CEP85L: variants seen among roughly 807,000 people sequenced by gnomAD.
CEP85L encodes the protein centrosomal protein 85L, also known as centrosomal protein of 85 kDa-like.
CEP85L carries 60 observed loss-of-function variants against 100.3 expected under a neutral mutation model. The observed-to-expected ratio is 0.60, with a 90% CI of 0.49 to 0.74. CEP85L has a LOEUF of 0.74. Ranked by LOEUF, CEP85L falls within the 30% of genes least tolerant of loss-of-function variation. CEP85L has a pLI of 0.00. For synonymous variants in CEP85L, 319 were observed against 322.7 expected, an observed-to-expected ratio of 0.99 and a Z score of 0.12; for missense variants, 973 against 936.2, an observed-to-expected ratio of 1.04 and a Z score of -0.51.
chr6:118,648,049 T>C (rs1290314565), intron 1 of CEP85L, among the ~76,000 whole-genome samples: 1 of 151,104 alleles, frequency 6.6e-6, no homozygotes, highest in Admixed American at 6.6e-5. Flanking sequence ...AGGCCAGGAG[T>C]TCGCGACCAG....
At chr6:118,615,558 T>C (rs1469336437) in intron 2 of CEP85L, among the ~76,000 whole-genome samples, 1 of 152,178 alleles carries the variant, frequency 6.6e-6, no homozygotes, top group East Asian at 1.9e-4. Flanking sequence ...GCCCAGCTCC[T>C]AGGAAGTAAC....
At chr6:118,639,000 A>G (rs1774693775) in intron 1 of CEP85L, among the ~76,000 whole-genome samples, 1 of 152,192 alleles carries the variant, frequency 6.6e-6, no homozygotes, top group Non-Finnish European at 1.5e-5. Flanking sequence ...AAATAACACT[A>G]CTGACAAAGC....
Position 118,703,278 on chromosome 6 carries a change from T to A in CEP85L, c.-28+6758A>T, listed in dbSNP as rs141775625. Among the ~76,000 whole-genome samples, 273 of 152,304 alleles carry A rather than the reference T, an allele frequency of 1.8e-3. 1 individual carries two copies. The highest frequency in any genetic ancestry group is 6.3e-3 in the African/African-American group (261 of 41,564). Reference sequence around the variant, plus strand: ...TAAATCGTTATTTTAAGCCACTAAGTTTTGAGGTAGTCTTTATGCAGTAAT... The same window carrying A: ...TAAATCGTTATTTTAAGCCACTAAGATTTGAGGTAGTCTTTATGCAGTAAT... On this transcript the variant is annotated intron_variant, in intron 1 of 13. Coordinates refer to the CEP85L transcript ENST00000368488.
At chr6:118,610,390 A>G (rs985592630) in intron 2 of CEP85L, among the ~76,000 whole-genome samples, 1 of 152,194 alleles carries the variant, frequency 6.6e-6, no homozygotes, top group African/African-American at 2.4e-5. Context: ...GTAGGGAGAT[A>G]GGGCCTTTAC....
In CEP85L at chr6:118,470,543, C is replaced by G; in HGVS notation, c.2016G>C (p.Leu672Phe). 8 of 1,577,086 alleles carry G rather than the reference C, an allele frequency of 5.1e-6. No homozygotes were observed. Among genetic ancestry groups the G allele is most frequent in the Non-Finnish European group, 6.9e-6 (8 of 1,159,750 alleles). ...TTGAATTTCTTCTACTCACTTCAAGCAATGCTTTTGTTAATCTCTGTACAT... is the reference window on the plus strand; with the variant it reads ...TTGAATTTCTTCTACTCACTTCAAGGAATGCTTTTGTTAATCTCTGTACAT... ...ERNVQRLTKA[L>F]LENQRQTDET... Residue 672 changes from leucine (L) to phenylalanine (F), a missense_variant, in exon 11 of 13, where the codon TTG becomes TTC. Transcript: ENST00000368491.
At chr6:118,475,650 G>A (rs763331498) in intron 10 of CEP85L, among the ~76,000 whole-genome samples, 11 of 151,928 alleles carry the variant, frequency 7.2e-5, no homozygotes, top group Non-Finnish European at 1.5e-4. Context: ...CACCACGCCC[G>A]GTGACTTATA....
chr6:118,537,440 T>C, intron 3 of CEP85L: 1 of 883,030 alleles, frequency 1.1e-6, no homozygotes, highest in South Asian at 5.2e-5. Context: ...TAAAAATGCA[T>C]ATGACACACT....
At chr6:118,468,598 A>G (rs556277017) in intron 12 of CEP85L, among the ~76,000 whole-genome samples, 168 of 152,318 alleles carry the variant, frequency 1.1e-3, no homozygotes, top group African/African-American at 3.9e-3. Flanking sequence ...CAAAGGCAAC[A>G]GATTTGTAGG....
intron 2 of CEP85L, among the ~76,000 whole-genome samples, chr6:118,620,475 C>T (rs1773365776): frequency 6.6e-6 from 1 of 152,158 alleles, no homozygotes; most frequent in Admixed American, 6.5e-5. Flanking sequence ...TTTGCAAAGA[C>T]ACTTTAAAAA....
upstream of CEP85L, chr6:118,651,674 G>C: frequency 5.1e-6 from 5 of 985,418 alleles, no homozygotes; most frequent in Non-Finnish European, 6.0e-6. Context: ...AGGCGTGCGC[G>C]GCGCCGCGCG....
Position 118,660,509 on chromosome 6 carries a change from TACTTGAAC to T in CEP85L, c.-27-7709_-27-7702del, listed in dbSNP as rs1296507663. Among the ~76,000 whole-genome samples, 32 of 152,362 alleles carry T rather than the reference TACTTGAAC, an allele frequency of 2.1e-4. 1 individual carries two copies. In the East Asian group the frequency reaches 2.7e-3, roughly 13 times the overall value. On this transcript the variant is annotated intron_variant, in intron 1 of 13. Coordinates refer to the CEP85L transcript ENST00000368488. The stretch of plus-strand genomic sequence containing the variant: ...ATCTCTAGTAACCCATACTCCTACT[TACTTGAAC>T]ACTATGATTTCTGGGAGAAAAAAGA...
chr6:118,522,838 C>G (rs1199063471), intron 4 of CEP85L, among the ~76,000 whole-genome samples: 1 of 150,872 alleles, frequency 6.6e-6, no homozygotes, highest in African/African-American at 2.4e-5. Flanking sequence ...GAGATGGCAC[C>G]ACTGCACTCC....
Position 118,616,944 on chromosome 6 carries a change from C to CA in CEP85L, c.232+15508dup, listed in dbSNP as rs771551037. 2.2e-3 allele frequency among the ~76,000 whole-genome samples: 235 copies of CA among 105,734 alleles called. 1 individual carries two copies. The Middle Eastern group carries it at 0.032, about 15-fold the overall frequency. The allele number at this position is 105,734 out of a possible 152,430, so 69.4% of individuals were successfully genotyped here. A position where few individuals can be genotyped will look rare whatever the true frequency, so the allele number is the denominator to read the frequency against. On this transcript the variant is annotated intron_variant, in intron 2 of 12. Coordinates refer to ENST00000368491, the MANE Select transcript of CEP85L (RefSeq NM_001042475.3). ...TGGGCAAGAGAGCGAGACTCTGTGT[C>CA]AAAAAAAAAAAAAGGCTGAGGTAGG...
intron 5 of CEP85L, among the ~76,000 whole-genome samples, chr6:118,497,503 T>A (rs1220555363): frequency 1.3e-5 from 2 of 152,164 alleles, no homozygotes; most frequent in African/African-American, 4.8e-5. Flanking sequence ...AAAATGTAAT[T>A]ATAATAGAAA....
intron 2 of CEP85L, among the ~76,000 whole-genome samples, chr6:118,609,778 A>C (rs1415487106): frequency 3.9e-5 from 6 of 152,196 alleles, no homozygotes; most frequent in Non-Finnish European, 7.4e-5. Flanking sequence ...TTGAAAAAAA[A>C]ACGTAGGTGG....
intron 4 of CEP85L, among the ~76,000 whole-genome samples, chr6:118,512,596 G>T (rs1259643216): frequency 6.6e-6 from 1 of 152,062 alleles, no homozygotes; most frequent in Non-Finnish European, 1.5e-5. Flanking sequence ...GCTACTAAAT[G>T]TCTACAATGA....
At chr6:118,580,546 C>T (rs773740459) in intron 2 of CEP85L, among the ~76,000 whole-genome samples, 7 of 152,340 alleles carry the variant, frequency 4.6e-5, no homozygotes, top group South Asian at 2.1e-4. Context: ...CTGGTGAGAA[C>T]ATGGAGAACC....
chr6:118,601,139 T>C (rs1464928095), intron 2 of CEP85L, among the ~76,000 whole-genome samples: 2 of 152,254 alleles, frequency 1.3e-5, no homozygotes, highest in East Asian at 3.8e-4. Flanking sequence ...TTAGTCTCAC[T>C]TTCCTCATTT....
rs938893628 is a variant in CEP85L at position 118,465,295 on chromosome 6, G to GA, written c.*109dup. ...TCCCCTTCAACAAAACAAATCCACA[G>GA]AAAAAAAATCCCTAAGTGCAAGTCA... On this transcript the variant is annotated 3_prime_UTR_variant, in exon 13 of 13. Transcript: ENST00000368491. 119 of 991,268 alleles carry GA rather than the reference G, an allele frequency of 1.2e-4. No homozygotes were observed. The highest frequency in any genetic ancestry group is 5.7e-4 in the East Asian group (21 of 36,792). 61.4% of individuals were successfully genotyped at this position (991,268 alleles called of 1,614,324 possible). A position where few individuals can be genotyped will look rare whatever the true frequency, so the allele number is the denominator to read the frequency against.
Sources: gnomAD v4.1 joint callset for allele counts (sites outside exome capture counted in the v4.1 genomes callset) on GRCh38, gnomAD v4.1.1 for gene constraint, MANE v1.5 for transcripts, NCBI Gene and HGNC (gene_info 2026-07-23, HGNC 2026-07-21) for gene names.